Variants in GALK2 observed in about 807,000 individuals in gnomAD.
GALK2 encodes the protein N-acetylgalactosamine kinase.
Under a neutral mutation model 52.4 loss-of-function variants are expected in GALK2, and 36 were observed. The observed-to-expected ratio is 0.69, with a 90% confidence interval of 0.53 to 0.91. The LOEUF is 0.91. GALK2 is among the 40% of genes least tolerant of loss of function. GALK2 has a pLI of 0.00. For missense variants in GALK2, 579 were observed against 559.1 expected (o/e 1.04, Z -0.36); for synonymous variants, 176 against 199.1 (o/e 0.88, Z 0.98).
chr15:49,328,807 G>A lies in GALK2; in HGVS notation c.*648G>A. On this transcript the variant is annotated 3_prime_UTR_variant, in exon 10 of 10. Coordinates refer to ENST00000560031, the MANE Select transcript of GALK2 (RefSeq NM_002044.4). ...TTTTTTTTGACAAAAGGAGGATACA[G>A]GAAGAAAATTCAGACTCATTTGAAT... 5 of 1,416,740 alleles carry A rather than the reference G, an allele frequency of 3.5e-6. No homozygotes were observed. The highest frequency in any genetic ancestry group is 2.9e-5 in the African/African-American group (2 of 69,368). The allele number at this position is 1,416,740 out of a possible 1,614,324, so 87.8% of individuals were successfully genotyped here.
At chr15:49,356,055 C>A (rs560137234) in intron 3 of GALK2, among the ~76,000 whole-genome samples, 4 of 150,022 alleles carry the variant, frequency 2.7e-5, no homozygotes, top group African/African-American at 1.0e-4. Flanking sequence ...GATTTTCTCA[C>A]CAACAGGCCT....
chr15:49,248,698 C>T (rs2091462327), intron 5 of GALK2, among the ~76,000 whole-genome samples: 1 of 152,186 alleles, frequency 6.6e-6, no homozygotes, highest in African/African-American at 2.4e-5. Flanking sequence ...TGAATCATTT[C>T]TTTAATGATT....
intron 5 of GALK2, among the ~76,000 whole-genome samples, chr15:49,247,686 G>A (rs1212036213): frequency 1.3e-5 from 2 of 152,200 alleles, no homozygotes; most frequent in Non-Finnish European, 2.9e-5. Flanking sequence ...GAAAGGCTGG[G>A]AAACAAAGCA....
rs926801595 is a variant in GALK2 at position 49,292,313 on chromosome 15, A to T, written c.757-14A>T. Reference sequence around the variant, plus strand: ...TGAATCAAAACTGACCATTATCTTGATTTGAATTTGCAGCTCCTGGCTAAA... The same window carrying T: ...TGAATCAAAACTGACCATTATCTTGTTTTGAATTTGCAGCTCCTGGCTAAA... On this transcript the variant is annotated splice_polypyrimidine_tract_variant and intron_variant, in intron 7 of 9. Coordinates refer to ENST00000560031, the MANE Select transcript of GALK2 (RefSeq NM_002044.4). The T allele has an allele frequency of 1.2e-6, 2 of 1,610,372 alleles. No homozygotes were observed. Among genetic ancestry groups the T allele is most frequent in the South Asian group, 1.1e-5 (1 of 90,842 alleles).
intron 5 of GALK2, among the ~76,000 whole-genome samples, chr15:49,275,943 G>C (rs1235196140): frequency 6.6e-6 from 1 of 152,174 alleles, no homozygotes; most frequent in Non-Finnish European, 1.5e-5. Flanking sequence ...GCTGCTTCAA[G>C]AGAACCACAC....
At chr15:49,255,085 A>G (rs1233129575) in intron 5 of GALK2, among the ~76,000 whole-genome samples, 1 of 143,668 alleles carries the variant, frequency 7.0e-6, no homozygotes, top group African/African-American at 2.5e-5. Context: ...GCATTCTTTA[A>G]TATGCCACAC....
chr15:49,340,246 A>G (rs9806208), intron 3 of GALK2, among the ~76,000 whole-genome samples: 63,982 of 151,974 alleles, frequency 0.42, 13,629 homozygotes, highest in African/African-American at 0.45. Flanking sequence ...CCCTGGTGGT[A>G]TAGGCTCCAG....
At chr15:49,352,556 C>T (rs2042401523) in intron 3 of GALK2, among the ~76,000 whole-genome samples, 1 of 152,160 alleles carries the variant, frequency 6.6e-6, no homozygotes, top group African/African-American at 2.4e-5. Context: ...TTTATCTAGG[C>T]TTCAGAGCGC....
intron 1 of GALK2, among the ~76,000 whole-genome samples, chr15:49,162,847 G>A (rs1301095498): frequency 6.6e-6 from 1 of 152,172 alleles, no homozygotes; most frequent in East Asian, 1.9e-4. Flanking sequence ...TGTGCTCTTG[G>A]AAGTGAATCC....
chr15:49,259,254 T>G (rs1595865404), intron 5 of GALK2, among the ~76,000 whole-genome samples: 1 of 151,738 alleles, frequency 6.6e-6, no homozygotes, highest in East Asian at 1.9e-4. Context: ...TAGTTACATA[T>G]GTATACATGT....
intron 2 of GALK2, among the ~76,000 whole-genome samples, chr15:49,205,946 A>T (rs991766955): frequency 1.3e-5 from 2 of 152,054 alleles, no homozygotes; most frequent in African/African-American, 4.8e-5. Context: ...ATTCTCCCAC[A>T]TGTGGCTAGC....
chr15:49,193,758 C>T (rs1195435585), intron 1 of GALK2, among the ~76,000 whole-genome samples: 1 of 150,314 alleles, frequency 6.7e-6, no homozygotes, highest in East Asian at 2.0e-4. Flanking sequence ...GATGGAGTCT[C>T]ATTCTGTTGC....
chr15:49,276,911 T>G (rs1379462465), intron 5 of GALK2, among the ~76,000 whole-genome samples: 2 of 149,444 alleles, frequency 1.3e-5, no homozygotes, highest in South Asian at 2.1e-4. Context: ...GAGGTTTTTT[T>G]TTTTTTTTTT....
chr15:49,323,109 G>A (rs557329969), intron 9 of GALK2, among the ~76,000 whole-genome samples: 41 of 152,226 alleles, frequency 2.7e-4, no homozygotes, highest in African/African-American at 9.9e-4. Context: ...GTAGCAGGTA[G>A]TAACATGGGG....
chr15:49,363,929 A>T (rs972343150), intron 3 of GALK2, among the ~76,000 whole-genome samples: 18 of 152,024 alleles, frequency 1.2e-4, no homozygotes, highest in African/African-American at 4.3e-4. Context: ...ATTGATTTGC[A>T]CATGTTGCAT....
At chr15:49,292,700 T>C (rs1267383097) in intron 8 of GALK2, among the ~76,000 whole-genome samples, 163 bp downstream of exon 8, 1 of 152,228 alleles carries the variant, frequency 6.6e-6, no homozygotes, top group African/African-American at 2.4e-5. Flanking sequence ...ATTCATTCAT[T>C]CTTTCATTCA....
chr15:49,338,254 G>T (rs2040104354), intron 3 of GALK2, among the ~76,000 whole-genome samples: 2 of 152,104 alleles, frequency 1.3e-5, no homozygotes, highest in African/African-American at 4.8e-5. Context: ...GTATGTTTTT[G>T]CAGTGCCTGG....
chr15:49,170,442 C>A (rs1326426651), intron 1 of GALK2, 67 bp downstream of exon 1: 15 of 1,484,902 alleles, frequency 1.0e-5, no homozygotes, highest in Non-Finnish European at 1.4e-5. Context: ...GGGTCCACAG[C>A]ACTTGGCTCC....
chr15:49,254,950 T>C (rs1436004399), intron 5 of GALK2, among the ~76,000 whole-genome samples: 3 of 144,082 alleles, frequency 2.1e-5, no homozygotes, highest in South Asian at 2.2e-4. Flanking sequence ...GTCTTTCACA[T>C]AGATCCTTGG....
Sources: allele counts gnomAD v4.1 joint callset (sites outside exome capture counted in the v4.1 genomes callset), GRCh38; gene constraint gnomAD v4.1.1; transcripts MANE v1.5; gene names NCBI Gene and HGNC (gene_info 2026-07-23, HGNC 2026-07-21).